TMC7: variants seen among roughly 807,000 people sequenced by gnomAD.
TMC7 encodes transmembrane channel-like protein 7.
In TMC7, 54 loss-of-function variants were observed where a neutral mutation model predicts 82.9. That is an observed-to-expected ratio of 0.65 (90% confidence interval 0.52 to 0.82). The LOEUF (loss-of-function observed/expected upper bound fraction) is 0.82, where lower values mean the gene tolerates loss of function less well. Among genes scored for constraint, TMC7 ranks in the 40% least tolerant of loss-of-function variants. TMC7 has a pLI of 0.00. For missense variants in TMC7, 820 were observed against 901.2 expected (o/e 0.91, Z 1.15); for synonymous variants, 350 against 337.9 (o/e 1.04, Z -0.39).
intron 5 of TMC7, among the ~76,000 whole-genome samples, chr16:19,023,891 T>C (rs999469450): frequency 3.9e-5 from 6 of 152,208 alleles, no homozygotes; most frequent in Middle Eastern, 3.2e-3. Flanking sequence ...CCAGACTGGA[T>C]GGATGAAAGA....
At chr16:19,004,714 A>G (rs1376512865) in intron 1 of TMC7, among the ~76,000 whole-genome samples, 1 of 152,128 alleles carries the variant, frequency 6.6e-6, no homozygotes, top group Non-Finnish European at 1.5e-5. Flanking sequence ...TGGCCCCCTG[A>G]ATTTTTTCAT....
intron 9 of TMC7, among the ~76,000 whole-genome samples, chr16:19,042,419 C>T (rs1475954754): frequency 9.9e-5 from 15 of 152,116 alleles, no homozygotes; most frequent in Non-Finnish European, 1.9e-4. Context: ...AAGCAATTCT[C>T]CCACCTCAGC....
chr16:19,037,397 A>G (rs1410291309), intron 7 of TMC7, among the ~76,000 whole-genome samples: 2 of 140,414 alleles, frequency 1.4e-5, no homozygotes, highest in East Asian at 4.2e-4. Flanking sequence ...AAAAAAAAAA[A>G]AAAAAAGAAA....
In TMC7 at chr16:19,007,669, C is replaced by CAA. The variant is rs548048423; in HGVS notation, c.68-1490_68-1489dup. 1.6e-3 allele frequency among the ~76,000 whole-genome samples: 217 copies of CAA among 139,378 alleles called. 2 individuals carry two copies. The highest frequency in any genetic ancestry group is 3.6e-3 in the Middle Eastern group (1 of 274). 91.4% of individuals were successfully genotyped at this position (139,378 alleles called of 152,430 possible). On this transcript the variant is annotated intron_variant, in intron 1 of 15. Transcript: ENST00000304381. ...TGGGTGACAGAGCGAGACTCCGTCT[C>CAA]AAAAAAAAAAAAAATAAATAAATAA...
chr16:19,002,258 TG>T (rs969241973), intron 1 of TMC7, among the ~76,000 whole-genome samples: 1 of 144,958 alleles, frequency 6.9e-6, no homozygotes, highest in Non-Finnish European at 1.5e-5. Context: ...TTTTTTAAGA[TG>T]GAGTTTTGCT....
At chr16:19,013,953 A>G (rs1426967288) in intron 2 of TMC7, among the ~76,000 whole-genome samples, 1 of 140,102 alleles carries the variant, frequency 7.1e-6, no homozygotes, top group Admixed American at 8.2e-5. Flanking sequence ...TCCCAGGTTC[A>G]CGCCATTCTT....
At chr16:19,005,632 G>T (rs2039226135) in intron 1 of TMC7, among the ~76,000 whole-genome samples, 1 of 152,162 alleles carries the variant, frequency 6.6e-6, no homozygotes, top group African/African-American at 2.4e-5. Flanking sequence ...CCAGCCTGGG[G>T]CCCCTGACCC....
intron 8 of TMC7, among the ~76,000 whole-genome samples, chr16:19,038,539 C>G (rs1390945931): frequency 2.6e-5 from 4 of 151,616 alleles, no homozygotes; most frequent in Admixed American, 6.6e-5. Flanking sequence ...GTTGTTGAGA[C>G]AGAGTCTCAC....
intron 11 of TMC7, 120 bp downstream of exon 11, chr16:19,045,558 T>C (rs1961234074): frequency 5.9e-6 from 4 of 680,020 alleles, no homozygotes; most frequent in South Asian, 1.8e-5. Flanking sequence ...TGGATGACTC[T>C]ACAGCCCTGG....
chr16:19,028,771 T>G (rs914983393), intron 5 of TMC7, among the ~76,000 whole-genome samples: 1 of 151,950 alleles, frequency 6.6e-6, no homozygotes, highest in African/African-American at 2.4e-5. Flanking sequence ...TTCTCCTGCC[T>G]TAGCCTCCCG....
chr16:18,984,300 C>G (rs1347885183), intron 1 of TMC7, 170 bp downstream of exon 1: 5 of 1,322,578 alleles, frequency 3.8e-6, no homozygotes, highest in Non-Finnish European at 4.8e-6. Flanking sequence ...CTTATTCCTG[C>G]TCCCTCCACA....
chr16:19,025,193 T>C (rs892714992), intron 5 of TMC7, among the ~76,000 whole-genome samples: 12 of 152,112 alleles, frequency 7.9e-5, no homozygotes, highest in Admixed American at 4.6e-4. Context: ...CAAAAATGTT[T>C]CCAGAGATTG....
chr16:19,035,871 C>T (rs1960724511), intron 7 of TMC7, 48 bp downstream of exon 7: 1 of 1,524,240 alleles, frequency 6.6e-7, no homozygotes, highest in African/African-American at 1.4e-5. Flanking sequence ...CCAGCAAGGT[C>T]CTGCCTTTGG....
In TMC7 at chr16:19,023,280, A is replaced by G. The variant is rs1596755266; in HGVS notation, c.711+85A>G. Reference sequence around the variant, plus strand: ...AAAGATCAGTTTCCCAAATTTCTGCAGTGAGAGCTAAACACAAGTGTTGGT... The same window carrying G: ...AAAGATCAGTTTCCCAAATTTCTGCGGTGAGAGCTAAACACAAGTGTTGGT... On this transcript the variant is annotated intron_variant, in intron 5 of 15. Coordinates refer to ENST00000304381, the MANE Select transcript of TMC7 (RefSeq NM_024847.4). 10 of 835,038 alleles carry G rather than the reference A, an allele frequency of 1.2e-5. No individual in the cohort carries two copies. In the East Asian group the frequency reaches 2.5e-4, roughly 21 times the overall value. The allele number at this position is 835,038 out of a possible 1,614,324, so 51.7% of individuals were successfully genotyped here. A position where few individuals can be genotyped will look rare whatever the true frequency, so the allele number is the denominator to read the frequency against.
At chr16:18,995,372 T>C (rs2039026437) in intron 1 of TMC7, among the ~76,000 whole-genome samples, 1 of 152,082 alleles carries the variant, frequency 6.6e-6, no homozygotes, top group South Asian at 2.1e-4. Flanking sequence ...GCTTCTGAGG[T>C]GATCAGGCAG....
chr16:18,993,575 C>T (rs2038987859), intron 1 of TMC7, among the ~76,000 whole-genome samples: 1 of 152,170 alleles, frequency 6.6e-6, no homozygotes, highest in Admixed American at 6.6e-5. Context: ...ACTACCTTAT[C>T]AGCATAAGTG....
At chr16:19,025,320 A>T (rs2142220748) in intron 5 of TMC7, among the ~76,000 whole-genome samples, 1 of 152,264 alleles carries the variant, frequency 6.6e-6, no homozygotes, top group South Asian at 2.1e-4. Context: ...AATTACTGGT[A>T]TCAAAATACC....
At position 19,062,285 on chromosome 16, in the gene TMC7, T is replaced by A. The variant is rs1294246659; in HGVS notation, c.*442T>A. ...CTTAAACACACACGTCCACATTTTT[T>A]AGGGTTGTTTTCCTGTGCTTACAAT... On this transcript the variant is annotated 3_prime_UTR_variant, in exon 16 of 16. Transcript: ENST00000304381. 6.4e-6 allele frequency: 1 copy of A among 156,580 alleles called. No homozygotes were observed. Among genetic ancestry groups the A allele is most frequent in the Non-Finnish European group, 1.4e-5 (1 of 71,196 alleles). 9.7% of individuals were successfully genotyped at this position (156,580 alleles called of 1,614,324 possible).
chr16:18,999,723 T>A (rs759335099), intron 1 of TMC7, among the ~76,000 whole-genome samples: 1 of 152,118 alleles, frequency 6.6e-6, no homozygotes, highest in Admixed American at 6.6e-5. Flanking sequence ...GATTGACATG[T>A]CATAGCAGCT....
Sources: allele counts gnomAD v4.1 joint callset (sites outside exome capture counted in the v4.1 genomes callset), GRCh38; gene constraint gnomAD v4.1.1; transcripts MANE v1.5; gene names NCBI Gene and HGNC (gene_info 2026-07-23, HGNC 2026-07-21).